The following SKAP1 variants were observed in gnomAD, a reference collection of about 807,000 sequenced individuals.
The protein encoded by SKAP1 is src kinase-associated phosphoprotein 1.
A neutral mutation model predicts 58.5 loss-of-function variants in SKAP1; 44 were observed. The ratio of observed to expected loss-of-function variants is 0.75; its 90% confidence interval spans 0.59 to 0.97. SKAP1 has a LOEUF of 0.97. Among genes scored for constraint, SKAP1 ranks in the 50% least tolerant of loss-of-function variants. The pLI, the probability that SKAP1 is intolerant of heterozygous loss-of-function variation, is 0.00. For synonymous variants in SKAP1, 127 were observed against 149.7 expected, an observed-to-expected ratio of 0.85 and a Z score of 1.11; for missense variants, 390 against 435.2, an observed-to-expected ratio of 0.90 and a Z score of 0.92.
At chr17:48,425,221 G>A (rs912824290) in intron 1 of SKAP1, among the ~76,000 whole-genome samples, 1 of 152,154 alleles carries the variant, frequency 6.6e-6, no homozygotes, top group African/African-American at 2.4e-5. Flanking sequence ...TTGTGCCACT[G>A]CACTCCAGCC....
At chr17:48,216,161 CAT>C (rs1361645223) in intron 4 of SKAP1, among the ~76,000 whole-genome samples, 1 of 152,198 alleles carries the variant, frequency 6.6e-6, no homozygotes, top group Non-Finnish European at 1.5e-5. Flanking sequence ...ATGTCACACA[CAT>C]GTTGTTCTTG....
At chr17:48,429,106 A>C (rs1344140690) in intron 1 of SKAP1, among the ~76,000 whole-genome samples, 1 of 152,210 alleles carries the variant, frequency 6.6e-6, no homozygotes, top group African/African-American at 2.4e-5. Context: ...CAAAAATATG[A>C]CCTGCCCAAA....
intron 4 of SKAP1, among the ~76,000 whole-genome samples, chr17:48,222,400 TTTTG>T (rs754278096): frequency 6.6e-6 from 1 of 152,152 alleles, no homozygotes; most frequent in Non-Finnish European, 1.5e-5. Context: ...ACTTGGGTTT[TTTTG>T]TTTGTTTTGT....
At position 48,240,927 on chromosome 17, in the gene SKAP1, G is replaced by C. The variant is rs2065238187; in HGVS notation, c.281-51427C>G. Among the ~76,000 whole-genome samples the C allele has an allele frequency of 2.6e-5, 4 of 152,272 alleles. 1 individual carries two copies. The South Asian group carries it at 8.3e-4, about 32-fold the overall frequency. ...TAGCCTTAAGCAACTACTAAACGATGAAAGTCCCTAGTGTACTCTGAGACT... is the reference window on the plus strand; with the variant it reads ...TAGCCTTAAGCAACTACTAAACGATCAAAGTCCCTAGTGTACTCTGAGACT... On this transcript the variant is annotated intron_variant, in intron 4 of 12. Transcript: ENST00000336915.
chr17:48,371,341 T>C (rs2144430276), intron 2 of SKAP1, among the ~76,000 whole-genome samples: 1 of 152,142 alleles, frequency 6.6e-6, no homozygotes, highest in Admixed American at 6.5e-5. Context: ...CTGCTGAAAA[T>C]AGGGCTACTG....
At chr17:48,165,020 G>A (rs1240014458) in intron 10 of SKAP1, among the ~76,000 whole-genome samples, 1 of 152,194 alleles carries the variant, frequency 6.6e-6, no homozygotes, top group Non-Finnish European at 1.5e-5. Flanking sequence ...TCCCACATTG[G>A]CCACACATGA....
intron 4 of SKAP1, among the ~76,000 whole-genome samples, chr17:48,257,221 G>A (rs2065433180): frequency 6.6e-6 from 1 of 151,942 alleles, no homozygotes; most frequent in Non-Finnish European, 1.5e-5. Context: ...GTAGCTTGAG[G>A]TTATGAAACT....
At chr17:48,415,223 C>T (rs1445412813) in intron 1 of SKAP1, among the ~76,000 whole-genome samples, 1 of 152,086 alleles carries the variant, frequency 6.6e-6, no homozygotes, top group East Asian at 1.9e-4. Flanking sequence ...TAAAGCAGAA[C>T]TCACATTTCC....
chr17:48,334,922 AT>A (rs2066549557), intron 4 of SKAP1, among the ~76,000 whole-genome samples: 1 of 151,890 alleles, frequency 6.6e-6, no homozygotes, highest in Admixed American at 6.6e-5. Context: ...TGATTTCCTT[AT>A]TTAAAAAAAT....
chr17:48,153,225 A>G (rs1005349643), intron 11 of SKAP1, among the ~76,000 whole-genome samples: 3 of 152,212 alleles, frequency 2.0e-5, no homozygotes, highest in African/African-American at 7.2e-5. Context: ...TTGATGAGCA[A>G]CTGGGCCTCT....
intron 4 of SKAP1, among the ~76,000 whole-genome samples, chr17:48,270,422 C>T (rs891418050): frequency 6.6e-6 from 1 of 151,976 alleles, no homozygotes; most frequent in Admixed American, 6.6e-5. Context: ...CGGCTCACTG[C>T]AACCTCCACC....
intron 2 of SKAP1, among the ~76,000 whole-genome samples, chr17:48,389,998 TA>T: frequency 6.6e-6 from 1 of 152,244 alleles, no homozygotes; most frequent in Non-Finnish European, 1.5e-5. Context: ...GTAAGCAACC[TA>T]AAAAGAAAAC....
At chr17:48,237,033 T>C (rs1393359150) in intron 4 of SKAP1, among the ~76,000 whole-genome samples, 2 of 152,226 alleles carry the variant, frequency 1.3e-5, no homozygotes, top group Non-Finnish European at 2.9e-5. Flanking sequence ...GATAAGTGAC[T>C]CACTCATGAT....
intron 2 of SKAP1, among the ~76,000 whole-genome samples, chr17:48,378,719 G>A (rs1473389403): frequency 1.3e-5 from 2 of 152,156 alleles, no homozygotes; most frequent in Non-Finnish European, 2.9e-5. Context: ...ATCTGTGCAT[G>A]CCTCTCAGTA....
chr17:48,352,320 C>A (rs2066813357), intron 3 of SKAP1, among the ~76,000 whole-genome samples: 1 of 152,152 alleles, frequency 6.6e-6, no homozygotes, highest in African/African-American at 2.4e-5. Context: ...TTCCATCTAC[C>A]ACTGGTATTG....
At chr17:48,425,192 G>A (rs1340479647) in intron 1 of SKAP1, among the ~76,000 whole-genome samples, 1 of 152,088 alleles carries the variant, frequency 6.6e-6, no homozygotes, top group Non-Finnish European at 1.5e-5. Context: ...TGGGAGGCGG[G>A]GGTTGTGGTG....
chr17:48,273,609 G>T (rs1392871733), intron 4 of SKAP1, among the ~76,000 whole-genome samples: 2 of 151,812 alleles, frequency 1.3e-5, no homozygotes, highest in East Asian at 3.9e-4. Context: ...GCAGAGGCGG[G>T]GTCTCACCAC....
At chr17:48,205,949 T>G (rs2064804534) in intron 4 of SKAP1, among the ~76,000 whole-genome samples, 1 of 146,770 alleles carries the variant, frequency 6.8e-6, no homozygotes, top group African/African-American at 2.5e-5. Context: ...AGAAAAAAGG[T>G]GACATTGGGT....
At chr17:48,348,185 G>GAA (rs1481580813) in intron 3 of SKAP1, among the ~76,000 whole-genome samples, 1 of 151,668 alleles carries the variant, frequency 6.6e-6, no homozygotes, top group Non-Finnish European at 1.5e-5. Context: ...ACAAAAAGTA[G>GAA]AAAAATTAGC....
Sources: allele counts gnomAD v4.1 joint callset (sites outside exome capture counted in the v4.1 genomes callset), GRCh38; gene constraint gnomAD v4.1.1; transcripts MANE v1.5; gene names NCBI Gene and HGNC (gene_info 2026-07-23, HGNC 2026-07-21).